SGIP1: variants seen among roughly 807,000 people sequenced by gnomAD.
The protein encoded by SGIP1 is SH3GL interacting endocytic adaptor 1.
In SGIP1, 38 loss-of-function variants were observed where a neutral mutation model predicts 107.5. The ratio of observed to expected loss-of-function variants is 0.35; its 90% CI spans 0.27 to 0.46. SGIP1 has a LOEUF of 0.46. Ranked by LOEUF, SGIP1 falls within the 20% of genes least tolerant of loss-of-function variation. The pLI is 1.00. For missense variants in SGIP1, 929 were observed against 1,019.5 expected (o/e 0.91, Z 1.21); for synonymous variants, 365 against 366.1 (o/e 1.00, Z 0.03).
At position 66,694,475 on chromosome 1, in the gene SGIP1, C is replaced by G. The variant is rs781624750; in HGVS notation, c.1571-959C>G. 3.7e-6 allele frequency: 6 copies of G among 1,607,352 alleles called. No homozygotes were observed. The South Asian group carries it at 6.7e-5, about 18-fold the overall frequency. On this transcript the variant is annotated intron_variant, in intron 17 of 24. Coordinates refer to ENST00000371037, the MANE Select transcript of SGIP1 (RefSeq NM_032291.4). ...GATGTTTTTTATGACAAACTGCCCT[C>G]GTTTGAAAGGCGCTGTGAAACGCCT...
rs190940822 is a variant in SGIP1, at chr1:66,542,845, T to A, written c.10+8477T>A. Among the ~76,000 whole-genome samples the A allele has an allele frequency of 6.7e-3, 1,023 of 152,260 alleles. 6 individuals carry two copies. The highest frequency in any genetic ancestry group is 0.023 in the African/African-American group (959 of 41,532). On this transcript the variant is annotated intron_variant, in intron 1 of 24. Coordinates refer to ENST00000371037, the MANE Select transcript of SGIP1 (RefSeq NM_032291.4). ...AGGTTAAGTGACACTCAAGGTGACC[T>A]CCTTACTAGTGGCAGAACCAGCACT...
chr1:66,611,120 C>CA, intron 1 of SGIP1, among the ~76,000 whole-genome samples: 1 of 151,970 alleles, frequency 6.6e-6, no homozygotes, highest in East Asian at 1.9e-4. Flanking sequence ...ACCTGTTCCC[C>CA]AAAAACCTAT....
intron 1 of SGIP1, among the ~76,000 whole-genome samples, chr1:66,622,838 C>T (rs765080688): frequency 1.3e-5 from 2 of 152,106 alleles, no homozygotes; most frequent in Non-Finnish European, 2.9e-5. Flanking sequence ...TTTTGCCCTC[C>T]CATTTTTGGT....
intron 1 of SGIP1, among the ~76,000 whole-genome samples, chr1:66,615,539 C>T (rs904872964): frequency 3.9e-5 from 6 of 152,144 alleles, no homozygotes; most frequent in African/African-American, 1.4e-4. Context: ...CCCCTATTCC[C>T]TGAATGAAAT....
intron 2 of SGIP1, among the ~76,000 whole-genome samples, chr1:66,626,740 C>CTG (rs2149323624): frequency 6.6e-6 from 1 of 152,190 alleles, no homozygotes; most frequent in South Asian, 2.1e-4. Context: ...AACTATTCAG[C>CTG]TGCAGGTGGT....
At chr1:66,695,271 AGTGT>A in intron 17 of SGIP1, 159 bp from the exon 18 acceptor site, 18 of 1,325,932 alleles carry the variant, frequency 1.4e-5, no homozygotes, top group South Asian at 8.0e-5. Flanking sequence ...AAAAAAAAAA[AGTGT>A]AGATTGCCAG....
intron 18 of SGIP1, among the ~76,000 whole-genome samples, chr1:66,712,802 T>C (rs964614006): frequency 6.6e-6 from 1 of 152,178 alleles, no homozygotes; most frequent in Non-Finnish European, 1.5e-5. Context: ...TACATCTGTG[T>C]GACCTTGCTT....
At position 66,667,186 on chromosome 1, in the gene SGIP1, C is replaced by G. The variant is rs547411383; in HGVS notation, c.472-344C>G. Among the ~76,000 whole-genome samples the G allele has an allele frequency of 7.9e-5, 12 of 152,084 alleles. No individual in the cohort carries two copies. In the South Asian group the frequency reaches 8.3e-4, roughly 11 times the overall value. ...CTTCTCTATTCTCTAAGTACCCCCC[C>G]CCAAACTATCTGGAGAAAAACTTCT... On this transcript the variant is annotated intron_variant, in intron 8 of 24. Transcript: ENST00000371037.
At chr1:66,550,378 T>C (rs2057227224) in intron 1 of SGIP1, among the ~76,000 whole-genome samples, 1 of 152,076 alleles carries the variant, frequency 6.6e-6, no homozygotes, top group African/African-American at 2.4e-5. Flanking sequence ...CTGGCTTTAG[T>C]TTTCCTTTCC....
chr1:66,707,224 G>A (rs751859755), intron 18 of SGIP1, among the ~76,000 whole-genome samples: 46 of 152,152 alleles, frequency 3.0e-4, no homozygotes, highest in Non-Finnish European at 5.9e-4. Flanking sequence ...GTGTAGAAAA[G>A]CATTTTTTTT....
intron 1 of SGIP1, among the ~76,000 whole-genome samples, chr1:66,592,130 C>A (rs2063748712): frequency 6.6e-6 from 1 of 152,144 alleles, no homozygotes; most frequent in Non-Finnish European, 1.5e-5. Flanking sequence ...CAGCACAGAC[C>A]CTTTACCGAT....
At chr1:66,738,274 C>T (rs2094335713) in intron 21 of SGIP1, among the ~76,000 whole-genome samples, 1 of 152,202 alleles carries the variant, frequency 6.6e-6, no homozygotes, top group South Asian at 2.1e-4. Context: ...AGTCTACCTT[C>T]AGGACCCTTC....
rs2094581433 is a variant in SGIP1, at chr1:66,748,404, A to G, written c.*5309A>G. 1 of 151,944 alleles carries G rather than the reference A, an allele frequency of 6.6e-6. No homozygotes were observed. The highest frequency in any genetic ancestry group is 2.4e-5 in the African/African-American group (1 of 41,438). 9.4% of individuals were successfully genotyped at this position (151,944 alleles called of 1,614,324 possible). On this transcript the variant is annotated 3_prime_UTR_variant, in exon 25 of 25. Coordinates refer to ENST00000371037, the MANE Select transcript of SGIP1 (RefSeq NM_032291.4). ...AGATCTAAATATATTTCATGAAGGA[A>G]TGTCAAATGTAAAGTCTGTTGAGTT...
chr1:66,661,488 A>T (rs2081459724), intron 8 of SGIP1, among the ~76,000 whole-genome samples: 1 of 152,236 alleles, frequency 6.6e-6, no homozygotes, highest in Non-Finnish European at 1.5e-5. Context: ...GGAAGGACAA[A>T]AATATGAGAC....
intron 7 of SGIP1, among the ~76,000 whole-genome samples, chr1:66,654,688 T>A (rs1003907167): frequency 6.6e-6 from 1 of 152,212 alleles, no homozygotes; most frequent in Non-Finnish European, 1.5e-5. Context: ...AAAAAATTTT[T>A]CCTCAAAGAC....
At chr1:66,742,460 CTTTTT>C (rs764080079) in intron 24 of SGIP1, among the ~76,000 whole-genome samples, 18 of 45,108 alleles carry the variant, frequency 4.0e-4, no homozygotes, top group African/African-American at 5.9e-4. Context: ...AGCACCCTTT[CTTTTT>C]TTTTTTTTTT....
intron 1 of SGIP1, among the ~76,000 whole-genome samples, chr1:66,586,480 G>A (rs915124529): frequency 2.0e-5 from 3 of 151,872 alleles, no homozygotes; most frequent in Admixed American, 2.0e-4. Flanking sequence ...GTATCTCATT[G>A]CATAGAATTT....
At chr1:66,551,820 C>T (rs1363700456) in intron 1 of SGIP1, among the ~76,000 whole-genome samples, 2 of 152,258 alleles carry the variant, frequency 1.3e-5, no homozygotes, top group East Asian at 3.9e-4. Context: ...AGGCACCTGC[C>T]TCCAACGTGT....
intron 24 of SGIP1, among the ~76,000 whole-genome samples, chr1:66,742,677 G>C: frequency 6.7e-6 from 1 of 148,898 alleles, no homozygotes; most frequent in Non-Finnish European, 1.5e-5. Context: ...CACCGTGTTA[G>C]CCAGGATGGT....
Sources: gnomAD v4.1 joint callset for allele counts (sites outside exome capture counted in the v4.1 genomes callset) on GRCh38, gnomAD v4.1.1 for gene constraint, MANE v1.5 for transcripts, NCBI Gene and HGNC (gene_info 2026-07-23, HGNC 2026-07-21) for gene names.